Variants in PROSER2 observed in about 807,000 individuals in gnomAD.
PROSER2 encodes proline and serine-rich protein 2.
In PROSER2, 18 loss-of-function variants were observed where a neutral mutation model predicts 14.6. The observed-to-expected ratio is 1.23, with a 90% CI of 0.85 to 1.83. The LOEUF (loss-of-function observed/expected upper bound fraction) is 1.83. Ranked by LOEUF, PROSER2 falls within the 40% of genes most tolerant of loss-of-function variation. The pLI, the probability that PROSER2 is intolerant of heterozygous loss-of-function variation, is 0.00. For missense variants in PROSER2, 823 were observed against 629.8 expected (o/e 1.31, Z -3.28); for synonymous variants, 367 against 286.4 (o/e 1.28, Z -2.84).
At chr10:11,855,159 T>C (rs1034428082) in intron 2 of PROSER2, among the ~76,000 whole-genome samples, 3 of 151,432 alleles carry the variant, frequency 2.0e-5, no homozygotes, top group Non-Finnish European at 4.4e-5. Context: ...TTTTTTTTTT[T>C]TTTAAGCAAA....
In PROSER2 at chr10:11,856,431, A is replaced by G. The variant is rs1003321689; in HGVS notation, c.138+4216A>G. 2.6e-5 allele frequency among the ~76,000 whole-genome samples: 4 copies of G among 152,208 alleles called. No individual in the cohort carries two copies. The highest frequency in any genetic ancestry group is 9.6e-5 in the African/African-American group (4 of 41,466). On this transcript the variant is annotated intron_variant, in intron 2 of 3. Transcript: ENST00000277570. This position sits in a 1 kb window ranked among gnomAD's most constrained non-coding sequence, Gnocchi z 5.3. The stretch of plus-strand genomic sequence containing the variant: ...CATCCCGAAGCTTCCTCTAGAAGAA[A>G]TAGGATTTGGCTGCTCGGAAAGGGC...
rs764627174 is a variant in PROSER2, at chr10:11,866,680, G to A, written c.288G>A (p.Glu96=). 3 of 1,614,106 alleles carry A rather than the reference G, an allele frequency of 1.9e-6. 1 individual carries two copies. Among genetic ancestry groups the A allele is most frequent in the South Asian group, 2.2e-5 (2 of 91,082 alleles). ...VCCLCSPSLE[E]STSSPSEPED... is the part of the protein sequence containing the mutation. ...GCCTCTGCTCCCCGTCTCTGGAGGA[G>A]AGCACCTCCAGTCCCTCCGAGCCTG... The change falls in exon 3 of 4, where the codon GAG becomes GAA. Residue 96 remains glutamate, a synonymous_variant. Transcript: ENST00000277570. The surrounding 1 kb of genome is among the most constrained non-coding windows in gnomAD (Gnocchi z 6.0).
At chr10:11,859,838 C>T (rs1247662379) in intron 2 of PROSER2, among the ~76,000 whole-genome samples, 1 of 152,220 alleles carries the variant, frequency 6.6e-6, no homozygotes, top group Non-Finnish European at 1.5e-5. Context: ...ATGTTTTCCT[C>T]TCCTGAAAAG....
chr10:11,824,882 G>A (rs1833589568), intron 1 of PROSER2, among the ~76,000 whole-genome samples: 1 of 152,298 alleles, frequency 6.6e-6, no homozygotes, highest in African/African-American at 2.4e-5. Flanking sequence ...CTTTTAGGAA[G>A]GTCTGAGCGT....
intron 1 of PROSER2, among the ~76,000 whole-genome samples, chr10:11,847,231 G>A (rs569632523): frequency 6.7e-6 from 1 of 149,152 alleles, no homozygotes; most frequent in East Asian, 2.0e-4. Flanking sequence ...TACAGCTATT[G>A]CCTCATCTCT....
At chr10:11,840,384 A>C (rs191367254) in intron 1 of PROSER2, among the ~76,000 whole-genome samples, 2 of 152,000 alleles carry the variant, frequency 1.3e-5, no homozygotes, top group Non-Finnish European at 2.9e-5. Flanking sequence ...TTCATCATCT[A>C]TTGAGATGAT....
At chr10:11,861,777 T>C (rs1447242273) in intron 2 of PROSER2, among the ~76,000 whole-genome samples, 1 of 152,176 alleles carries the variant, frequency 6.6e-6, no homozygotes, top group Non-Finnish European at 1.5e-5. Flanking sequence ...GAATATTCAC[T>C]ACCTGGCCCT....
intron 2 of PROSER2, among the ~76,000 whole-genome samples, chr10:11,855,534 T>C (rs1036126606): frequency 6.6e-6 from 1 of 150,394 alleles, no homozygotes; most frequent in Non-Finnish European, 1.5e-5. Context: ...TAATTGAGAG[T>C]ACCCTAAAGT....
In PROSER2 at chr10:11,871,051, G is replaced by GCAAGT. The variant is rs1219779385; in HGVS notation, c.*647_*651dup. 2 of 152,200 alleles carry GCAAGT rather than the reference G, an allele frequency of 1.3e-5. No homozygotes were observed. The highest frequency in any genetic ancestry group is 1.9e-4 in the East Asian group (1 of 5,194). The allele number at this position is 152,200 out of a possible 1,614,324, so 9.4% of individuals were successfully genotyped here. The stretch of plus-strand genomic sequence containing the variant: ...ATGGAAAGGTGGTAATTTTGAGAAA[G>GCAAGT]CAAGTCTCATCAGACTCTGAGGTCT... On this transcript the variant is annotated 3_prime_UTR_variant, in exon 4 of 4. Coordinates refer to ENST00000277570, the MANE Select transcript of PROSER2 (RefSeq NM_153256.4).
intron 1 of PROSER2, among the ~76,000 whole-genome samples, chr10:11,844,999 C>T (rs1390035230): frequency 2.0e-5 from 3 of 152,184 alleles, no homozygotes; most frequent in Non-Finnish European, 1.5e-5. Flanking sequence ...ATGTGAGACA[C>T]TTAGGTTTTT....
chr10:11,832,316 C>A (rs533177926), intron 1 of PROSER2, among the ~76,000 whole-genome samples: 2 of 152,294 alleles, frequency 1.3e-5, no homozygotes, highest in African/African-American at 4.8e-5. Flanking sequence ...TGGAAGCATT[C>A]TTTTCTTTCC....
rs1834112463 is a variant in PROSER2, at chr10:11,855,724, G to A, written c.138+3509G>A. The stretch of plus-strand genomic sequence containing the variant: ...GGATCACTTCAGCCTAGGAGTTAAA[G>A]GCCAGCCTGGGCAACATAGCAAGAC... On this transcript the variant is annotated intron_variant, in intron 2 of 3. Coordinates refer to ENST00000277570, the MANE Select transcript of PROSER2 (RefSeq NM_153256.4). Among the ~76,000 whole-genome samples the A allele has an allele frequency of 2.0e-5, 3 of 152,134 alleles. 1 individual carries two copies. The highest frequency in any genetic ancestry group is 6.6e-5 in the Admixed American group (1 of 15,260).
In PROSER2 at chr10:11,856,080, G is replaced by C. The variant is rs1457391653; in HGVS notation, c.138+3865G>C. On this transcript the variant is annotated intron_variant, in intron 2 of 3. Coordinates refer to ENST00000277570, the MANE Select transcript of PROSER2 (RefSeq NM_153256.4). The surrounding 1 kb of genome is among the most constrained non-coding windows in gnomAD (Gnocchi z 5.3). ...TTTTCATTTGAAACATAAGAGGGCA[G>C]CTTTGATGTGTGTGCAAGGCGGTGC... is the stretch of plus-strand genomic sequence containing the variant. Among the ~76,000 whole-genome samples, 1 of 152,222 alleles carries C rather than the reference G, an allele frequency of 6.6e-6. No homozygotes were observed. The highest frequency in any genetic ancestry group is 1.5e-5 in the Non-Finnish European group (1 of 68,032).
intron 1 of PROSER2, chr10:11,851,315 A>G (rs1454497661): frequency 6.6e-6 from 1 of 152,210 alleles, no homozygotes; most frequent in Admixed American, 6.5e-5. Context: ...GGAAGTAAAG[A>G]TGGCAACTTC....
intron 1 of PROSER2, among the ~76,000 whole-genome samples, chr10:11,845,149 G>A (rs1315775417): frequency 6.6e-6 from 1 of 152,016 alleles, no homozygotes; most frequent in Non-Finnish European, 1.5e-5. Flanking sequence ...ATATGTCCCT[G>A]TGTGTGTGTG....
Position 11,869,718 on chromosome 10 carries a change from G to A in PROSER2, c.620G>A (p.Gly207Glu), listed in dbSNP as rs1277330418. 1 of 1,593,460 alleles carries A rather than the reference G, an allele frequency of 6.3e-7. No individual in the cohort carries two copies. The highest frequency in any genetic ancestry group is 1.1e-5 in the South Asian group (1 of 88,046). The change falls in exon 4 of 4, where the codon GGG becomes GAG. Residue 207 changes from glycine to glutamate, a missense_variant. Transcript: ENST00000277570. This position sits in a 1 kb window ranked among gnomAD's most constrained non-coding sequence, Gnocchi z 4.4. ...CAGAAGATTTCCGAGAGGATGGCGG[G>A]GAACGAAGCCCTCTCGCCCACCTCC... is the stretch of plus-strand genomic sequence containing the variant. ...MAQKISERMA[G>E]NEALSPTSPF...
intron 2 of PROSER2, among the ~76,000 whole-genome samples, chr10:11,861,792 C>T (rs139771680): frequency 1.3e-4 from 20 of 152,270 alleles, no homozygotes; most frequent in African/African-American, 4.3e-4. Flanking sequence ...GGCCCTTTAC[C>T]AAAGAGTTGG....
At chr10:11,853,502 C>T (rs900579784) in intron 2 of PROSER2, among the ~76,000 whole-genome samples, 1 of 152,136 alleles carries the variant, frequency 6.6e-6, no homozygotes, top group African/African-American at 2.4e-5. Context: ...GCAGGAGAAT[C>T]ACTTGAACCA....
rs1230566000 is a variant in PROSER2 at position 11,836,831 on chromosome 10, G to A, written c.-82+13361G>A. Among the ~76,000 whole-genome samples the A allele has an allele frequency of 1.3e-5, 2 of 152,160 alleles. No individual in the cohort carries two copies. The highest frequency in any genetic ancestry group is 4.8e-5 in the African/African-American group (2 of 41,434). ...TATACCGAAGTCCTCTCTTATACAC[G>A]GTTTTGCTTTCCATAGTTTCGGTTA... On this transcript the variant is annotated intron_variant, in intron 1 of 3. Transcript: ENST00000277570. The surrounding 1 kb of genome is among the most constrained non-coding windows in gnomAD (Gnocchi z 4.6).
Sources: allele counts gnomAD v4.1 joint callset (sites outside exome capture counted in the v4.1 genomes callset), GRCh38; gene constraint gnomAD v4.1.1; non-coding constraint Gnocchi (gnomAD v3.1); transcripts MANE v1.5; gene names NCBI Gene and HGNC (gene_info 2026-07-23, HGNC 2026-07-21).